The following GRIN2D variants were observed in gnomAD, a reference collection of about 807,000 sequenced individuals.
GRIN2D encodes the protein glutamate ionotropic receptor NMDA type subunit 2D.
A neutral mutation model predicts 103.2 loss-of-function variants in GRIN2D; 37 were observed. The ratio of observed to expected loss-of-function variants is 0.36; its 90% CI spans 0.28 to 0.47. GRIN2D has a LOEUF of 0.47. Ranked by LOEUF, GRIN2D falls within the 20% of genes least tolerant of loss-of-function variation. The probability of loss-of-function intolerance (pLI) is 1.00; values close to 1 mark genes in which losing one functional copy is unlikely to be tolerated. For missense variants in GRIN2D, 1,557 were observed against 1,910.6 expected (o/e 0.81, Z 3.45); for synonymous variants, 845 against 885.6 (o/e 0.95, Z 0.81).
chr19:48,408,438 G>A (rs561336081), intron 4 of GRIN2D, among the ~76,000 whole-genome samples: 24 of 151,936 alleles, frequency 1.6e-4, no homozygotes, highest in Non-Finnish European at 3.1e-4. Context: ...GATCGAGGCT[G>A]TAATGAACTG....
rs1970923105 is a variant in GRIN2D, at chr19:48,414,857, C to T, written c.1413-7C>T. The T allele has an allele frequency of 6.2e-7, 1 of 1,613,838 alleles. No individual in the cohort carries two copies. Among genetic ancestry groups the T allele is most frequent in the South Asian group, 1.1e-5 (1 of 91,036 alleles). On this transcript the variant is annotated splice_region_variant and splice_polypyrimidine_tract_variant and intron_variant, in intron 6 of 13. Transcript: ENST00000263269. The surrounding 1 kb of genome is among the most constrained non-coding windows in gnomAD (Gnocchi z 4.6). ...CCAAACTCCCCAAGCCTGGTCACTG[C>T]CCGCAGCCCTCCACCGGATGCCCCC...
chr19:48,431,364 C>T (rs922725869), intron 11 of GRIN2D, among the ~76,000 whole-genome samples: 1 of 152,108 alleles, frequency 6.6e-6, no homozygotes, highest in Non-Finnish European at 1.5e-5. Context: ...TTTTTCTGTC[C>T]TTGTACTTGA....
chr19:48,443,623 C>G lies in GRIN2D; in HGVS notation c.3697C>G (p.Pro1233Ala), dbSNP rs891894351. Residue 1233 changes from proline (P) to alanine (A), a missense_variant, in exon 14 of 14, where the codon CCG becomes GCG. Pro to Ala is a conservative substitution (Grantham distance 27). Coordinates refer to ENST00000263269, the MANE Select transcript of GRIN2D (RefSeq NM_000836.4). This position sits in a 1 kb window ranked among gnomAD's most constrained non-coding sequence, Gnocchi z 8.9. ...CCGCTGCGGGTGCCCGCGGTCGCAC[C>G]CGCACCGCCCGCGGGCCTCGCACCG... ...RARCGCPRSH[P>A]HRPRASHRTP... 41 of 1,080,078 alleles carry G rather than the reference C, an allele frequency of 3.8e-5. No individual in the cohort carries two copies. The Admixed American group carries it at 2.2e-3, about 57-fold the overall frequency. The allele number at this position is 1,080,078 out of a possible 1,614,324, so 66.9% of individuals were successfully genotyped here.
At chr19:48,396,096 G>A (rs1056334414) in intron 2 of GRIN2D, among the ~76,000 whole-genome samples, 2 of 152,154 alleles carry the variant, frequency 1.3e-5, no homozygotes, top group Non-Finnish European at 2.9e-5. Context: ...GTCCCTGACA[G>A]GGCAGGAGAT....
At chr19:48,429,550 C>G (rs1336291794) in intron 11 of GRIN2D, among the ~76,000 whole-genome samples, 1 of 152,096 alleles carries the variant, frequency 6.6e-6, no homozygotes, top group African/African-American at 2.4e-5. Context: ...CAGAAGCCTG[C>G]CACCACGCCC....
At chr19:48,432,190 G>A (rs568238453) in intron 11 of GRIN2D, among the ~76,000 whole-genome samples, 11 of 151,478 alleles carry the variant, frequency 7.3e-5, no homozygotes, top group South Asian at 2.1e-4. Flanking sequence ...GATTACAGGC[G>A]TGAGCCACCG....
rs533875383 is a variant in GRIN2D at position 48,394,062 on chromosome 19, C to T, written c.-306+194C>T. Among the ~76,000 whole-genome samples, 7 of 152,240 alleles carry T rather than the reference C, an allele frequency of 4.6e-5. No individual in the cohort carries two copies. In the South Asian group the frequency reaches 1.5e-3, roughly 32 times the overall value. ...CAGATGGATGGTGTGTACCTGGGTT[C>T]TGTGCCTCCTGCCTGCGTCCGGCCA... On this transcript the variant is annotated intron_variant, in intron 1 of 13. Transcript: ENST00000263269. The surrounding 1 kb of genome is among the most constrained non-coding windows in gnomAD (Gnocchi z 5.1).
chr19:48,443,826 C>T lies in GRIN2D; in HGVS notation c.3900C>T (p.Ala1300=), dbSNP rs1432962753. ...GCCACGCTCGCAGGTGTCCGCACGC[C>T]GCGCACTGGGGGCCGCCGCTGCCCA... is the stretch of plus-strand genomic sequence containing the variant. ...PSRHARRCPH[A]AHWGPPLPTA... is the part of the protein sequence containing the mutation. Residue 1300 remains alanine (A), a synonymous_variant, in exon 14 of 14, where the codon GCC becomes GCT. Transcript: ENST00000263269. The surrounding 1 kb of genome is among the most constrained non-coding windows in gnomAD (Gnocchi z 8.9). 2.7e-6 allele frequency: 4 copies of T among 1,482,938 alleles called. No individual in the cohort carries two copies. Among genetic ancestry groups the T allele is most frequent in the Non-Finnish European group, 3.6e-6 (4 of 1,125,152 alleles). The allele number at this position is 1,482,938 out of a possible 1,614,324, so 91.9% of individuals were successfully genotyped here.
In GRIN2D at chr19:48,428,360, C is replaced by CT. The variant is rs1218262625; in HGVS notation, c.2252+6428dup. On this transcript the variant is annotated intron_variant, in intron 11 of 13. Transcript: ENST00000263269. ...TCAAGCTCCCCCCTCCCCCTCCCCG[C>CT]TTTTTTTTTTTTTAATTGAGACGGA... 1.9e-3 allele frequency among the ~76,000 whole-genome samples: 241 copies of CT among 130,178 alleles called. 2 individuals are homozygous for CT. The highest frequency in any genetic ancestry group is 6.2e-3 in the East Asian group (24 of 3,882). The allele number at this position is 130,178 out of a possible 152,430, so 85.4% of individuals were successfully genotyped here.
intron 11 of GRIN2D, among the ~76,000 whole-genome samples, chr19:48,435,890 A>AT (rs1308028632): frequency 1.3e-5 from 2 of 152,248 alleles, no homozygotes. Context: ...CACGGAATAA[A>AT]TGAGAATATT....
chr19:48,393,859 C>T lies in GRIN2D; in HGVS notation c.-315C>T, dbSNP rs542499705. On this transcript the variant is annotated 5_prime_UTR_variant, in exon 1 of 14. Coordinates refer to ENST00000263269, the MANE Select transcript of GRIN2D (RefSeq NM_000836.4). This position sits in a 1 kb window ranked among gnomAD's most constrained non-coding sequence, Gnocchi z 5.6. ...CCCCAGGGGTCTCTCGAGCGTCTGC[C>T]ATCTGCCCGGTGAGGATCTGTGTGT... Among the ~76,000 whole-genome samples, 1 of 152,042 alleles carries T rather than the reference C, an allele frequency of 6.6e-6. No homozygotes were observed. Among genetic ancestry groups the T allele is most frequent in the Non-Finnish European group, 1.5e-5 (1 of 67,940 alleles).
chr19:48,415,076 G>A lies in GRIN2D; in HGVS notation c.1581+44G>A, dbSNP rs777192797. 3.1e-5 allele frequency: 47 copies of A among 1,522,736 alleles called. 1 individual carries two copies. The highest frequency in any genetic ancestry group is 1.6e-4 in the South Asian group (13 of 80,400). 94.3% of individuals were successfully genotyped at this position (1,522,736 alleles called of 1,614,324 possible). A position where few individuals can be genotyped will look rare whatever the true frequency, so the allele number is the denominator to read the frequency against. The stretch of plus-strand genomic sequence containing the variant: ...GGCGGGGAATCTTCGGGGCGGAGTC[G>A]AGAGGCGGGCACAGCCGGGCGTGGT... On this transcript the variant is annotated intron_variant, in intron 7 of 13. Transcript: ENST00000263269.
At chr19:48,401,066 G>A (rs1218605996) in intron 3 of GRIN2D, among the ~76,000 whole-genome samples, 9 of 144,108 alleles carry the variant, frequency 6.2e-5, no homozygotes, top group African/African-American at 2.1e-4. Flanking sequence ...CTGGGGGACA[G>A]AGTGAGACTG....
rs1971026725 is a variant in GRIN2D at position 48,421,748 on chromosome 19, G to C, written c.2092-37G>C. ...GGTGATTTATGTTAGGGATGTCCCT[G>C]CGGAGGGTGCCCTAATCACTCCCCA... On this transcript the variant is annotated intron_variant, in intron 10 of 13. Coordinates refer to ENST00000263269, the MANE Select transcript of GRIN2D (RefSeq NM_000836.4). The surrounding 1 kb of genome is among the most constrained non-coding windows in gnomAD (Gnocchi z 4.8). 1 of 1,589,020 alleles carries C rather than the reference G, an allele frequency of 6.3e-7. No homozygotes were observed. The highest frequency in any genetic ancestry group is 1.3e-5 in the African/African-American group (1 of 74,292).
At chr19:48,419,917 G>A (rs1970998965) in intron 10 of GRIN2D, 103 bp downstream of exon 10, 1 of 175,242 alleles carries the variant, frequency 5.7e-6, no homozygotes, top group Non-Finnish European at 1.1e-5. Flanking sequence ...GGGCGGGGGT[G>A]AGAGGGGTGG....
At chr19:48,397,692 CCT>C (rs200471793) in intron 2 of GRIN2D, among the ~76,000 whole-genome samples, 2 of 151,810 alleles carry the variant, frequency 1.3e-5, no homozygotes, top group Non-Finnish European at 2.9e-5. Context: ...GTCACTCCGT[CCT>C]CTCTCTCTCC....
intron 11 of GRIN2D, among the ~76,000 whole-genome samples, chr19:48,432,935 C>T (rs1038218373): frequency 4.6e-5 from 7 of 150,812 alleles, no homozygotes; most frequent in African/African-American, 4.9e-5. Flanking sequence ...GTTCTACAGG[C>T]GCCCGCAACC....
chr19:48,402,049 G>A (rs141681199), intron 3 of GRIN2D, among the ~76,000 whole-genome samples: 7,229 of 151,764 alleles, frequency 0.048, 190 homozygotes, highest in Middle Eastern at 0.099. Context: ...GCAGTGAGGC[G>A]AGATCTCGCC....
chr19:48,413,926 T>C (rs1039902731), intron 4 of GRIN2D, 65 bp from the exon 5 acceptor site: 2 of 905,586 alleles, frequency 2.2e-6, no homozygotes, highest in South Asian at 2.6e-5. Context: ...GGGGACTTTC[T>C]CTGCCTTCCG....
Sources: allele counts gnomAD v4.1 joint callset (sites outside exome capture counted in the v4.1 genomes callset), GRCh38; gene constraint gnomAD v4.1.1; non-coding constraint Gnocchi (gnomAD v3.1); transcripts MANE v1.5; gene names NCBI Gene and HGNC (gene_info 2026-07-23, HGNC 2026-07-21).